The following ABI1 variants were observed in gnomAD, a reference collection of about 807,000 sequenced individuals.
ABI1 encodes the protein abl interactor 1, also known as Abelson interactor 1.
In ABI1, 14 loss-of-function variants were observed where a neutral mutation model predicts 54.6. That is an observed-to-expected ratio of 0.26 (90% CI 0.17 to 0.40). The LOEUF (loss-of-function observed/expected upper bound fraction) is 0.40, where lower values mean the gene tolerates loss of function less well. ABI1 is among the 10% of genes least tolerant of loss of function. The pLI is 1.00. For synonymous variants in ABI1, 194 were observed against 209.3 expected (o/e 0.93, Z 0.63); for missense variants, 443 against 598.3 (o/e 0.74, Z 2.71).
intron 1 of ABI1, among the ~76,000 whole-genome samples, chr10:26,856,327 G>T (rs1017744996): frequency 4.1e-5 from 6 of 146,758 alleles, no homozygotes; most frequent in Non-Finnish European, 7.4e-5. Flanking sequence ...TTGGGATTTG[G>T]AATCGAGAAA....
chr10:26,768,039 C>T (rs1840173289), intron 6 of ABI1, among the ~76,000 whole-genome samples: 1 of 150,830 alleles, frequency 6.6e-6, no homozygotes, highest in South Asian at 2.1e-4. Context: ...GAGCTAGACT[C>T]CATCTCCAAA....
At position 26,761,661 on chromosome 10, in the gene ABI1, T is replaced by TATACAC. The variant is rs1375832167; in HGVS notation, c.821-2424_821-2423insGTGTAT. On this transcript the variant is annotated intron_variant, in intron 7 of 10. Coordinates refer to ENST00000376140, the MANE Select transcript of ABI1 (RefSeq NM_001012750.3). Reference sequence around the variant, plus strand: ...ATATATATATATATATATATATATATACACACACACATACACATATATAAC... The same window carrying TATACAC: ...ATATATATATATATATATATATATATATACACACACACACACATACACATATATAAC... Among the ~76,000 whole-genome samples the TATACAC allele has an allele frequency of 3.0e-3, 240 of 78,776 alleles. 2 individuals are homozygous for TATACAC. Among genetic ancestry groups the TATACAC allele is most frequent in the African/African-American group, 8.3e-3 (159 of 19,216 alleles). 51.7% of individuals were successfully genotyped at this position (78,776 alleles called of 152,430 possible).
At chr10:26,816,108 A>G (rs2047547583) in intron 2 of ABI1, among the ~76,000 whole-genome samples, 1 of 152,188 alleles carries the variant, frequency 6.6e-6, no homozygotes, top group Admixed American at 6.5e-5. Context: ...TCCACAGACT[A>G]CAAAGTACAT....
intron 10 of ABI1, among the ~76,000 whole-genome samples, chr10:26,750,456 T>C (rs1024037963): frequency 6.6e-5 from 10 of 152,082 alleles, no homozygotes; most frequent in African/African-American, 2.4e-4. Flanking sequence ...ATTGCACCAC[T>C]GCACTCCAGC....
chr10:26,841,646 CT>C (rs75765839), intron 1 of ABI1, among the ~76,000 whole-genome samples: 2 of 150,660 alleles, frequency 1.3e-5, no homozygotes, highest in Admixed American at 6.6e-5. Context: ...ATATTTGACT[CT>C]TTTTTTTTAT....
chr10:26,858,529 C>CA (rs1366626506), intron 1 of ABI1, among the ~76,000 whole-genome samples: 53 of 46,516 alleles, frequency 1.1e-3, no homozygotes, highest in Admixed American at 2.3e-3. Context: ...CCCGCCCCCA[C>CA]AAAAAAAGAA....
chr10:26,777,001 T>A (rs1841490332), intron 3 of ABI1, 64 bp downstream of exon 3: 1 of 1,343,484 alleles, frequency 7.4e-7, no homozygotes, highest in African/African-American at 1.5e-5. Context: ...TATGACAATA[T>A]TTCCTATCCA....
chr10:26,846,535 G>C (rs1014600284), intron 1 of ABI1, among the ~76,000 whole-genome samples: 1 of 151,884 alleles, frequency 6.6e-6, no homozygotes. Context: ...TAGAGACGGG[G>C]TTTCACCATG....
At chr10:26,828,325 GTAA>G (rs1045557820) in intron 1 of ABI1, among the ~76,000 whole-genome samples, 5 of 152,106 alleles carry the variant, frequency 3.3e-5, no homozygotes, top group African/African-American at 1.2e-4. Context: ...AACAGATACA[GTAA>G]TAATAAAAAG....
At chr10:26,805,744 G>A (rs1056136997) in intron 2 of ABI1, among the ~76,000 whole-genome samples, 1 of 152,178 alleles carries the variant, frequency 6.6e-6, no homozygotes, top group Admixed American at 6.5e-5. Flanking sequence ...CCATCTGATG[G>A]TTCAGGAAGA....
chr10:26,786,466 C>T (rs1222403006), intron 2 of ABI1, among the ~76,000 whole-genome samples: 1 of 151,926 alleles, frequency 6.6e-6, no homozygotes, highest in Non-Finnish European at 1.5e-5. Context: ...GTGATTTGCC[C>T]GCCTCGGCCT....
intron 2 of ABI1, among the ~76,000 whole-genome samples, chr10:26,799,897 C>G (rs1283984752): frequency 1.3e-5 from 2 of 151,686 alleles, no homozygotes; most frequent in African/African-American, 4.8e-5. Context: ...GATGGGCATG[C>G]CAAGTTCTCT....
chr10:26,847,648 T>A (rs2050079855), intron 1 of ABI1, among the ~76,000 whole-genome samples: 1 of 151,808 alleles, frequency 6.6e-6, no homozygotes, highest in Non-Finnish European at 1.5e-5. Context: ...AAAATTTGAT[T>A]ATTATTAATT....
intron 8 of ABI1, 35 bp from the exon 9 acceptor site, chr10:26,755,776 C>G: frequency 7.0e-7 from 1 of 1,418,850 alleles, no homozygotes; most frequent in Non-Finnish European, 9.8e-7. Flanking sequence ...GGAAGTAAAA[C>G]AGATAAAGGA....
chr10:26,773,525 T>C (rs891915394), intron 3 of ABI1, among the ~76,000 whole-genome samples: 3 of 152,114 alleles, frequency 2.0e-5, no homozygotes, highest in African/African-American at 7.2e-5. Context: ...TTTGAAATGA[T>C]TCTTAACTCA....
At chr10:26,785,177 A>T (rs1343985205) in intron 2 of ABI1, among the ~76,000 whole-genome samples, 1 of 152,248 alleles carries the variant, frequency 6.6e-6, no homozygotes, top group Non-Finnish European at 1.5e-5. Context: ...ATGAAGTTGC[A>T]TAATCATGGG....
At chr10:26,838,028 C>CTTT (rs201597873) in intron 1 of ABI1, among the ~76,000 whole-genome samples, 14 of 145,288 alleles carry the variant, frequency 9.6e-5, no homozygotes, top group South Asian at 2.2e-4. Flanking sequence ...AATCTTATTA[C>CTTT]TTTTTTTTTT....
intron 2 of ABI1, among the ~76,000 whole-genome samples, chr10:26,822,437 A>C (rs2048042383): frequency 6.6e-6 from 1 of 152,212 alleles, no homozygotes; most frequent in Non-Finnish European, 1.5e-5. Context: ...AGGATTTGTA[A>C]TAGCCAAAAC....
intron 9 of ABI1, among the ~76,000 whole-genome samples, chr10:26,752,411 G>T (rs895292659): frequency 5.9e-5 from 9 of 152,218 alleles, no homozygotes; most frequent in Admixed American, 2.0e-4. Context: ...CCAACCAGTA[G>T]AAAATCTAAT....
Sources: allele counts gnomAD v4.1 joint callset (sites outside exome capture counted in the v4.1 genomes callset), GRCh38; gene constraint gnomAD v4.1.1; transcripts MANE v1.5; gene names NCBI Gene and HGNC (gene_info 2026-07-23, HGNC 2026-07-21).